Variants in TOX observed in about 807,000 individuals in gnomAD.
TOX encodes thymocyte selection-associated high mobility group box protein TOX.
A neutral mutation model predicts 53.7 loss-of-function variants in TOX; 11 were observed. The ratio of observed to expected loss-of-function variants is 0.20; its 90% CI spans 0.13 to 0.34. The LOEUF is 0.34. Among genes scored for constraint, TOX ranks in the 10% least tolerant of loss-of-function variants. The probability of loss-of-function intolerance (pLI) is 1.00; values close to 1 mark genes in which losing one functional copy is unlikely to be tolerated. For synonymous variants in TOX, 225 were observed against 245.3 expected (o/e 0.92, Z 0.77); for missense variants, 570 against 664.6 (o/e 0.86, Z 1.56).
Position 58,815,407 on chromosome 8 carries a change from C to A in TOX, c.1323G>T (p.Met441Ile), listed in dbSNP as rs749935490. The change falls in exon 7 of 9, where the codon ATG (methionine) becomes ATT (isoleucine). Residue 441 changes from methionine to isoleucine, a missense_variant. Physicochemically the swap from Met to Ile is conservative, Grantham distance 10 (BLOSUM62 1). Coordinates refer to ENST00000361421, the MANE Select transcript of TOX (RefSeq NM_014729.3). ...GGAGCTGGTTCCCAAGGGGCTGCTGCATGGTGAGCGGCTGGTGCTGCTGCA... is the reference window on the plus strand; with the variant it reads ...GGAGCTGGTTCCCAAGGGGCTGCTGAATGGTGAGCGGCTGGTGCTGCTGCA... ...LNMQQHQPLT[M>I]QQPLGNQLPM... 2 of 1,613,698 alleles carry A rather than the reference C, an allele frequency of 1.2e-6. No individual in the cohort carries two copies. The highest frequency in any genetic ancestry group is 2.2e-5 in the South Asian group (2 of 90,956).
chr8:59,093,327 T>A (rs1334513892), intron 1 of TOX, among the ~76,000 whole-genome samples: 2 of 152,224 alleles, frequency 1.3e-5, no homozygotes, highest in African/African-American at 4.8e-5. Flanking sequence ...TCTACAGAAC[T>A]GTGAAGTCCT....
rs1015391313 is a variant in TOX, at chr8:59,118,489, GGA to G, written c.102+395_102+396del. ...GAGCCCCCACTGCCCGGGGAGGGAG[GGA>G]GAGAGAAGGGGGAACTGGGAAATAA... On this transcript the variant is annotated intron_variant, in intron 1 of 8. Coordinates refer to ENST00000361421, the MANE Select transcript of TOX (RefSeq NM_014729.3). The surrounding 1 kb of genome is among the most constrained non-coding windows in gnomAD (Gnocchi z 4.1). 6.6e-6 allele frequency among the ~76,000 whole-genome samples: 1 copy of G among 152,136 alleles called. No individual in the cohort carries two copies. Among genetic ancestry groups the G allele is most frequent in the Non-Finnish European group, 1.5e-5 (1 of 68,020 alleles).
intron 1 of TOX, among the ~76,000 whole-genome samples, chr8:59,046,664 C>G (rs573338383): frequency 5.6e-4 from 85 of 151,970 alleles, no homozygotes; most frequent in African/African-American, 2.0e-3. Context: ...TCAAGACCAG[C>G]CTGGCCAACA....
chr8:59,109,605 A>G (rs1398490976), intron 1 of TOX, among the ~76,000 whole-genome samples: 3 of 152,118 alleles, frequency 2.0e-5, no homozygotes, highest in Non-Finnish European at 4.4e-5. Flanking sequence ...GGAGTGAGGT[A>G]GGAGGCCTTT....
chr8:58,943,531 T>A (rs1812475833), intron 2 of TOX, among the ~76,000 whole-genome samples: 1 of 150,116 alleles, frequency 6.7e-6, no homozygotes, highest in South Asian at 2.1e-4. Context: ...ATTCTCCAAC[T>A]CTCTTGGGAA....
chr8:59,017,855 C>G (rs1814044609), intron 1 of TOX, among the ~76,000 whole-genome samples: 1 of 152,114 alleles, frequency 6.6e-6, no homozygotes, highest in South Asian at 2.1e-4. Flanking sequence ...AAAGGAAGTT[C>G]TATAACCACA....
chr8:58,831,556 G>A (rs560831304), intron 5 of TOX, among the ~76,000 whole-genome samples: 5 of 152,080 alleles, frequency 3.3e-5, no homozygotes, highest in Non-Finnish European at 7.4e-5. Context: ...ATTAGAACAG[G>A]TATATGGTAA....
chr8:59,065,219 AAAC>A (rs960904991), intron 1 of TOX, among the ~76,000 whole-genome samples: 7 of 152,310 alleles, frequency 4.6e-5, no homozygotes, highest in South Asian at 2.1e-4. Context: ...TTTCATAATT[AAAC>A]AACAACAACA....
intron 1 of TOX, among the ~76,000 whole-genome samples, chr8:59,004,945 T>C (rs1469897312): frequency 1.3e-5 from 2 of 152,240 alleles, no homozygotes; most frequent in Non-Finnish European, 2.9e-5. Flanking sequence ...ATCTGGAATA[T>C]GTGTGATTAC....
chr8:59,060,422 T>C (rs904869733), intron 1 of TOX, among the ~76,000 whole-genome samples: 3 of 152,172 alleles, frequency 2.0e-5, no homozygotes, highest in Non-Finnish European at 2.9e-5. Flanking sequence ...GGTCAGGAGA[T>C]TGAGACCAGC....
At chr8:59,000,485 T>C (rs1433483660) in intron 1 of TOX, among the ~76,000 whole-genome samples, 2 of 152,220 alleles carry the variant, frequency 1.3e-5, no homozygotes, top group Non-Finnish European at 2.9e-5. Context: ...CTGACAGATT[T>C]ATAACTGACC....
intron 1 of TOX, among the ~76,000 whole-genome samples, chr8:59,108,655 A>AACACACACAC (rs3084429): frequency 2.0e-5 from 3 of 147,448 alleles, no homozygotes; most frequent in Admixed American, 6.7e-5. Context: ...TCATAAAGGA[A>AACACACACAC]ACACACACAC....
chr8:59,086,853 C>A (rs913111242), intron 1 of TOX, among the ~76,000 whole-genome samples: 1 of 152,166 alleles, frequency 6.6e-6, no homozygotes, highest in Non-Finnish European at 1.5e-5. Context: ...GAAACTGACA[C>A]ATTTATTTCT....
chr8:58,920,529 G>A (rs1450847971), intron 3 of TOX, among the ~76,000 whole-genome samples: 1 of 67,478 alleles, frequency 1.5e-5, no homozygotes, highest in Non-Finnish European at 2.9e-5. Flanking sequence ...GACACAGGAA[G>A]GGGAATATCA....
intron 3 of TOX, among the ~76,000 whole-genome samples, chr8:58,885,214 A>G (rs914932340): frequency 2.0e-5 from 3 of 152,110 alleles, no homozygotes; most frequent in Non-Finnish European, 4.4e-5. Context: ...ATTCTCTATC[A>G]TTCTTCTACT....
chr8:59,110,095 A>T (rs1804986339), intron 1 of TOX, among the ~76,000 whole-genome samples: 1 of 152,166 alleles, frequency 6.6e-6, no homozygotes, highest in African/African-American at 2.4e-5. Context: ...GAGAGGAAAG[A>T]TTATCCCATT....
chr8:58,881,078 G>A (rs1404721573), intron 3 of TOX, among the ~76,000 whole-genome samples: 1 of 151,990 alleles, frequency 6.6e-6, no homozygotes, highest in Non-Finnish European at 1.5e-5. Context: ...TGGGGGGTGA[G>A]CGGGATTGAG....
At chr8:59,022,135 A>T (rs1284587250) in intron 1 of TOX, among the ~76,000 whole-genome samples, 2 of 152,206 alleles carry the variant, frequency 1.3e-5, no homozygotes, top group Non-Finnish European at 2.9e-5. Context: ...AACCATCATG[A>T]TATCAATTTA....
intron 3 of TOX, among the ~76,000 whole-genome samples, chr8:58,856,123 T>C (rs1310164006): frequency 6.6e-6 from 1 of 152,186 alleles, no homozygotes; most frequent in Admixed American, 6.5e-5. Context: ...ACTTGTACTT[T>C]CCCCACGATT....
Sources: allele counts gnomAD v4.1 joint callset (sites outside exome capture counted in the v4.1 genomes callset), GRCh38; gene constraint gnomAD v4.1.1; non-coding constraint Gnocchi (gnomAD v3.1); transcripts MANE v1.5; gene names NCBI Gene and HGNC (gene_info 2026-07-23, HGNC 2026-07-21).